The following FHOD3 variants were observed in gnomAD, a reference collection of about 807,000 sequenced individuals.
The protein encoded by FHOD3 is formin homology 2 domain containing 3, also known as FH1/FH2 domain-containing protein 3.
A neutral mutation model predicts 173.0 loss-of-function variants in FHOD3; 90 were observed. The observed-to-expected ratio is 0.52, with a 90% CI of 0.44 to 0.62. The LOEUF is 0.62. Among genes scored for constraint, FHOD3 ranks in the 20% least tolerant of loss-of-function variants. The pLI is 0.00. For synonymous variants in FHOD3, 828 were observed against 823.0 expected (o/e 1.01, Z -0.10); for missense variants, 1,945 against 2,034.7 (o/e 0.96, Z 0.85).
At chr18:36,738,011 C>T (rs1027463483) in intron 20 of FHOD3, among the ~76,000 whole-genome samples, 3 of 152,214 alleles carry the variant, frequency 2.0e-5, no homozygotes, top group Non-Finnish European at 4.4e-5. Flanking sequence ...CAACCCACCT[C>T]TGGCACCTGG....
At chr18:36,457,589 G>A (rs1217053276) in intron 3 of FHOD3, among the ~76,000 whole-genome samples, 1 of 151,402 alleles carries the variant, frequency 6.6e-6, no homozygotes, top group African/African-American at 2.5e-5. Context: ...GCTTTTATTG[G>A]CAGAGCTGAA....
chr18:36,318,068 G>A (rs1172795796), intron 1 of FHOD3, among the ~76,000 whole-genome samples: 1 of 152,148 alleles, frequency 6.6e-6, no homozygotes, highest in Non-Finnish European at 1.5e-5. Context: ...CCTCTGTTCT[G>A]TTCCATTGGT....
At chr18:36,463,301 T>G (rs1016065992) in intron 3 of FHOD3, among the ~76,000 whole-genome samples, 1 of 46,770 alleles carries the variant, frequency 2.1e-5, no homozygotes, top group Admixed American at 2.2e-4. Flanking sequence ...CAAGTGCCAC[T>G]AAAATATATA....
chr18:36,375,518 TCTTCTC>T (rs1337611479), intron 3 of FHOD3, among the ~76,000 whole-genome samples: 7 of 152,218 alleles, frequency 4.6e-5, no homozygotes, highest in Non-Finnish European at 1.0e-4. Context: ...CCCTACATTC[TCTTCTC>T]CTTCATTCCT....
At chr18:36,412,664 A>G (rs189060366) in intron 3 of FHOD3, among the ~76,000 whole-genome samples, 26 of 152,376 alleles carry the variant, frequency 1.7e-4, no homozygotes, top group Non-Finnish European at 3.2e-4. Context: ...GCCATTTTAT[A>G]AAAGTCATAA....
In FHOD3 at chr18:36,718,370, A is replaced by ACCCCCCCCCCCCCTT; in HGVS notation, c.3077_3078insCCCCCCCCTTCCCCC (p.Pro1027_Thr1028insProLeuProProPro). 2.1e-6 allele frequency: 1 copy of ACCCCCCCCCCCCCTT among 485,484 alleles called. No individual in the cohort carries two copies. Among genetic ancestry groups the ACCCCCCCCCCCCCTT allele is most frequent in the Non-Finnish European group, 3.0e-6 (1 of 331,156 alleles). 30.1% of individuals were successfully genotyped at this position (485,484 alleles called of 1,614,324 possible). A position where few individuals can be genotyped will look rare whatever the true frequency, so the allele number is the denominator to read the frequency against. ...GGGAGGCCCCTGGGCCACCTCCCCC[A>ACCCCCCCCCCCCCTT]CCCCCACCCACCTTTCTGGGTTTGC... On this transcript the variant is annotated inframe_insertion, in exon 19 of 29. Transcript: ENST00000590592.
chr18:36,338,729 T>A (rs1318790976), intron 1 of FHOD3, among the ~76,000 whole-genome samples: 1 of 152,150 alleles, frequency 6.6e-6, no homozygotes, highest in Non-Finnish European at 1.5e-5. Flanking sequence ...AAGTCCGCAG[T>A]CACAGCCAGC....
intron 3 of FHOD3, among the ~76,000 whole-genome samples, chr18:36,481,954 G>A (rs78489596): frequency 0.053 from 8,062 of 152,170 alleles, 301 homozygotes; most frequent in East Asian, 0.18. Flanking sequence ...AGCTTGTTAT[G>A]GGTTAGAGTT....
chr18:36,642,726 A>G (rs940756573), intron 10 of FHOD3, among the ~76,000 whole-genome samples: 2 of 152,060 alleles, frequency 1.3e-5, no homozygotes, highest in Non-Finnish European at 2.9e-5. Flanking sequence ...ATATTTACGA[A>G]TATAATAGAA....
chr18:36,592,630 C>G (rs1308581681), intron 6 of FHOD3, among the ~76,000 whole-genome samples: 7 of 152,150 alleles, frequency 4.6e-5, no homozygotes, highest in African/African-American at 1.4e-4. Flanking sequence ...GAATGGACTT[C>G]AGAAGGACCA....
rs375728133 is a variant in FHOD3 at position 36,365,748 on chromosome 18, C to T, written c.273-6932C>T. 6.6e-5 allele frequency among the ~76,000 whole-genome samples: 10 copies of T among 152,162 alleles called. No homozygotes were observed. In the East Asian group the frequency reaches 1.2e-3, roughly 18 times the overall value. On this transcript the variant is annotated intron_variant, in intron 2 of 28. Coordinates refer to ENST00000590592, the MANE Select transcript of FHOD3 (RefSeq NM_001281740.3). ...TGGAAGAGAGACACTGAGCTGGTGA[C>T]GGCCGGGCTAGGTGTGGGGAGAAAT...
chr18:36,346,891 A>C (rs1009396200), intron 1 of FHOD3, among the ~76,000 whole-genome samples: 5 of 152,190 alleles, frequency 3.3e-5, no homozygotes, highest in Non-Finnish European at 4.4e-5. Context: ...CCACTCTGTG[A>C]CAGGACTTTT....
At chr18:36,593,713 G>C (rs1202515167) in intron 6 of FHOD3, among the ~76,000 whole-genome samples, 1 of 152,098 alleles carries the variant, frequency 6.6e-6, no homozygotes, top group African/African-American at 2.4e-5. Context: ...TGGATTGATT[G>C]ACCTGGTCAC....
intron 3 of FHOD3, among the ~76,000 whole-genome samples, chr18:36,489,076 G>T (rs573576772): frequency 1.3e-5 from 2 of 152,172 alleles, no homozygotes; most frequent in Non-Finnish European, 2.9e-5. Context: ...TGTGGGGCTG[G>T]CTGGGTGGTA....
intron 1 of FHOD3, among the ~76,000 whole-genome samples, chr18:36,322,364 C>A (rs900163992): frequency 2.2e-4 from 33 of 152,268 alleles, no homozygotes; most frequent in Non-Finnish European, 1.5e-4. Flanking sequence ...GGGGGAGGAA[C>A]ATTCTTGGGG....
chr18:36,527,522 C>T (rs1162988894), intron 5 of FHOD3, among the ~76,000 whole-genome samples: 3 of 152,124 alleles, frequency 2.0e-5, no homozygotes, highest in Non-Finnish European at 4.4e-5. Context: ...CAGGGAGAAA[C>T]GGTTTTGTAT....
chr18:36,382,220 A>G (rs2047827007), intron 3 of FHOD3, among the ~76,000 whole-genome samples: 1 of 152,086 alleles, frequency 6.6e-6, no homozygotes, highest in Non-Finnish European at 1.5e-5. Flanking sequence ...CAAATGTAAC[A>G]AGTTGATGGC....
At chr18:36,523,973 C>G (rs1370609260) in intron 5 of FHOD3, among the ~76,000 whole-genome samples, 1 of 152,104 alleles carries the variant, frequency 6.6e-6, no homozygotes, top group Admixed American at 6.5e-5. Flanking sequence ...GGTGAACTAT[C>G]TTTAGTCATT....
At chr18:36,592,880 T>G (rs988069872) in intron 6 of FHOD3, among the ~76,000 whole-genome samples, 3 of 152,120 alleles carry the variant, frequency 2.0e-5, no homozygotes, top group Non-Finnish European at 4.4e-5. Flanking sequence ...GTCAGGAGAT[T>G]ATATGATGCC....
Sources: gnomAD v4.1 joint callset for allele counts (sites outside exome capture counted in the v4.1 genomes callset) on GRCh38, gnomAD v4.1.1 for gene constraint, MANE v1.5 for transcripts, NCBI Gene and HGNC (gene_info 2026-07-23, HGNC 2026-07-21) for gene names.